The following SCOC variants were observed in gnomAD, a reference collection of about 807,000 sequenced individuals.
SCOC encodes the protein short coiled coil protein.
SCOC carries 7 observed loss-of-function variants against 9.9 expected under a neutral mutation model. That is an observed-to-expected ratio of 0.71 (90% CI 0.40 to 1.33). The LOEUF (loss-of-function observed/expected upper bound fraction) is 1.33, where lower values mean the gene tolerates loss of function less well. SCOC is among the 40% of genes most tolerant of loss of function. The pLI, the probability that SCOC is intolerant of heterozygous loss-of-function variation, is 0.01. For synonymous variants in SCOC, 19 were observed against 28.2 expected (o/e 0.67, Z 1.03); for missense variants, 66 against 89.7 (o/e 0.74, Z 1.07).
At chr4:140,373,566 T>C (rs759629496), upstream of SCOC, 35 of 1,551,518 alleles carry the variant, frequency 2.3e-5, no homozygotes, top group Non-Finnish European at 2.8e-5. Flanking sequence ...CGAGTCAGGA[T>C]TGGCGGGCGA....
At chr4:140,279,717 G>A (rs1033392280) in intron 1 of SCOC, among the ~76,000 whole-genome samples, 1 of 152,156 alleles carries the variant, frequency 6.6e-6, no homozygotes, top group Non-Finnish European at 1.5e-5. Flanking sequence ...CAGTGTATTA[G>A]TTTAAACCTT....
chr4:140,373,087 G>C (rs17005813), upstream of SCOC, among the ~76,000 whole-genome samples: 1 of 152,226 alleles, frequency 6.6e-6, no homozygotes, highest in Non-Finnish European at 1.5e-5. Flanking sequence ...GGAGGGGCGT[G>C]AGGAGAGGAA....
intron 2 of SCOC, among the ~76,000 whole-genome samples, chr4:140,365,710 G>T (rs1727763104): frequency 6.6e-6 from 1 of 152,104 alleles, no homozygotes; most frequent in African/African-American, 2.4e-5. Flanking sequence ...TGAAGAAGAT[G>T]AAGACTTTCA....
intron 1 of SCOC, among the ~76,000 whole-genome samples, chr4:140,313,338 G>A (rs1405722723): frequency 3.3e-5 from 5 of 152,136 alleles, no homozygotes; most frequent in Non-Finnish European, 4.4e-5. Context: ...TCTGCTTCCC[G>A]GGTTCTAGCG....
chr4:140,365,762 CTTCTTACT>C (rs1018312702), intron 2 of SCOC, among the ~76,000 whole-genome samples: 1 of 152,252 alleles, frequency 6.6e-6, no homozygotes, highest in African/African-American at 2.4e-5. Context: ...TTTTCTCTTC[CTTCTTACT>C]TTCTTAATAA....
chr4:140,362,677 A>C (rs1336629424), intron 2 of SCOC: 1 of 152,034 alleles, frequency 6.6e-6, no homozygotes, highest in Non-Finnish European at 1.5e-5. Flanking sequence ...TACTTGACTT[A>C]TTTTAAAAAT....
intron 1 of SCOC, among the ~76,000 whole-genome samples, chr4:140,309,026 T>C (rs956969917): frequency 2.6e-5 from 4 of 151,532 alleles, no homozygotes; most frequent in African/African-American, 7.3e-5. Context: ...GGGTGAAGAG[T>C]TGGAGATGGC....
At chr4:140,340,783 C>CTTTTTTTT (rs36136647), upstream of SCOC, among the ~76,000 whole-genome samples, 55 of 40,448 alleles carry the variant, frequency 1.4e-3, 12 homozygotes, top group African/African-American at 4.3e-3. Context: ...TGCTGCCTAA[C>CTTTTTTTT]TTTTTTTTTT....
intron 2 of SCOC, among the ~76,000 whole-genome samples, chr4:140,350,395 T>G (rs1726926184): frequency 6.6e-6 from 1 of 152,268 alleles, no homozygotes; most frequent in East Asian, 1.9e-4. Flanking sequence ...ATAGAATTTG[T>G]GTGTGTTGGG....
chr4:140,263,148 T>C (rs1474019280), intron 1 of SCOC, among the ~76,000 whole-genome samples: 1 of 152,220 alleles, frequency 6.6e-6, no homozygotes, highest in African/African-American at 2.4e-5. Flanking sequence ...CTTTAAACTA[T>C]CTCATACAGC....
At chr4:140,306,133 G>A (rs1365018133) in intron 1 of SCOC, among the ~76,000 whole-genome samples, 2 of 152,168 alleles carry the variant, frequency 1.3e-5, no homozygotes, top group Non-Finnish European at 2.9e-5. Flanking sequence ...CACATGGCTG[G>A]GGAGGTCTCA....
intron 1 of SCOC, among the ~76,000 whole-genome samples, chr4:140,317,255 T>G (rs559524655): frequency 6.6e-6 from 1 of 152,144 alleles, no homozygotes; most frequent in Admixed American, 6.5e-5. Context: ...TATGCCCAAT[T>G]TCTGCCTCCA....
rs1300837724 is a variant in SCOC at position 140,381,779 on chromosome 4, T to G, written c.*675T>G. 6.6e-6 allele frequency: 1 copy of G among 152,186 alleles called. No individual in the cohort carries two copies. The highest frequency in any genetic ancestry group is 2.4e-5 in the African/African-American group (1 of 41,464). The allele number at this position is 152,186 out of a possible 1,614,324, so 9.4% of individuals were successfully genotyped here. The stretch of plus-strand genomic sequence containing the variant: ...CTTTGAAACTGAATTAACTTGGGAA[T>G]ATTTGTTGTTAAAAACTTCTTTTTG... On this transcript the variant is annotated 3_prime_UTR_variant, in exon 4 of 4. Coordinates refer to ENST00000608372, the MANE Select transcript of SCOC (RefSeq NM_001153484.2).
chr4:140,341,035 A>T (rs537319803), upstream of SCOC, among the ~76,000 whole-genome samples: 1 of 151,442 alleles, frequency 6.6e-6, no homozygotes, highest in South Asian at 2.1e-4. Context: ...TGACCTTGTG[A>T]TCCACCCGCC....
At chr4:140,344,043 C>G (rs1315551177) in intron 2 of SCOC, among the ~76,000 whole-genome samples, 1 of 152,102 alleles carries the variant, frequency 6.6e-6, no homozygotes, top group African/African-American at 2.4e-5. Flanking sequence ...TAGTCAGTTT[C>G]TTTTCTATCT....
intron 2 of SCOC, among the ~76,000 whole-genome samples, chr4:140,352,352 G>A (rs1194710010): frequency 6.6e-6 from 1 of 152,158 alleles, no homozygotes; most frequent in Non-Finnish European, 1.5e-5. Context: ...TATGGATAAT[G>A]CCATTGGCAG....
At chr4:140,313,987 G>A (rs1732235089) in intron 1 of SCOC, among the ~76,000 whole-genome samples, 1 of 151,858 alleles carries the variant, frequency 6.6e-6, no homozygotes, top group Non-Finnish European at 1.5e-5. Flanking sequence ...AAATTAGCCG[G>A]GTGTGGTGGC....
At chr4:140,290,399 AT>A (rs1327093442) in intron 1 of SCOC, among the ~76,000 whole-genome samples, 1 of 152,146 alleles carries the variant, frequency 6.6e-6, no homozygotes, top group African/African-American at 2.4e-5. Context: ...AGTGGATGGA[AT>A]TGTGGAGGGT....
intron 1 of SCOC, among the ~76,000 whole-genome samples, chr4:140,337,024 C>T (rs762632550): frequency 6.6e-6 from 1 of 152,112 alleles, no homozygotes; most frequent in Non-Finnish European, 1.5e-5. Flanking sequence ...GCTTATTGAC[C>T]ATTTGCATAT....
Sources: allele counts gnomAD v4.1 joint callset (sites outside exome capture counted in the v4.1 genomes callset), GRCh38; gene constraint gnomAD v4.1.1; transcripts MANE v1.5; gene names NCBI Gene and HGNC (gene_info 2026-07-23, HGNC 2026-07-21).